Variants in RBPMS observed in about 807,000 individuals in gnomAD.
The protein encoded by RBPMS is RNA binding protein, mRNA processing factor, also known as RNA-binding protein with multiple splicing.
RBPMS carries 7 observed loss-of-function variants against 26.8 expected under a neutral mutation model. That is an observed-to-expected ratio of 0.26 (90% CI 0.15 to 0.49). The LOEUF is 0.49. Ranked by LOEUF, RBPMS falls within the 20% of genes least tolerant of loss-of-function variation. The probability of loss-of-function intolerance (pLI) is 0.98; values close to 1 mark genes in which losing one functional copy is unlikely to be tolerated. For synonymous variants in RBPMS, 96 were observed against 93.3 expected, an observed-to-expected ratio of 1.03 and a Z score of -0.17; for missense variants, 186 against 250.0, an observed-to-expected ratio of 0.74 and a Z score of 1.73.
chr8:30,496,403 C>T (rs949718491), intron 4 of RBPMS, among the ~76,000 whole-genome samples: 25 of 152,110 alleles, frequency 1.6e-4, no homozygotes, highest in African/African-American at 5.6e-4. Context: ...CTCCCAACCT[C>T]GTGATCTGCC....
intron 1 of RBPMS, among the ~76,000 whole-genome samples, chr8:30,421,272 T>C (rs1228265959): frequency 6.6e-6 from 1 of 152,118 alleles, no homozygotes; most frequent in Non-Finnish European, 1.5e-5. Context: ...GAAACATGTT[T>C]AATCACATAC....
intron 4 of RBPMS, 47 bp downstream of exon 4, chr8:30,479,424 G>A: frequency 2.3e-6 from 3 of 1,307,712 alleles, no homozygotes; most frequent in East Asian, 4.6e-5. Flanking sequence ...ATGAGGTGGT[G>A]GGAAGTAATG....
At chr8:30,393,312 GC>G (rs1337303682) in intron 1 of RBPMS, among the ~76,000 whole-genome samples, 2 of 151,740 alleles carry the variant, frequency 1.3e-5, no homozygotes, top group African/African-American at 4.8e-5. Flanking sequence ...TAATTCCCAG[GC>G]TTTTACTTCT....
chr8:30,549,626 G>GT lies in RBPMS; in HGVS notation c.528+5002_528+5003insT, dbSNP rs758922158. On this transcript the variant is annotated intron_variant, in intron 6 of 8. Transcript: ENST00000397323. ...AGCACCTGGCTTAGCTCTCACAGGAGGAGGGGCGGACGGGGAGGCCAGGCC... is the reference window on the plus strand; with the variant it reads ...AGCACCTGGCTTAGCTCTCACAGGAGTGAGGGGCGGACGGGGAGGCCAGGCC... 8.0e-6 allele frequency: 12 copies of GT among 1,507,314 alleles called. No individual in the cohort carries two copies. In the South Asian group the frequency reaches 1.3e-4, roughly 17 times the overall value. 93.4% of individuals were successfully genotyped at this position (1,507,314 alleles called of 1,614,324 possible). A position where few individuals can be genotyped will look rare whatever the true frequency, so the allele number is the denominator to read the frequency against.
At chr8:30,557,741 G>A (rs1243274240) in intron 6 of RBPMS, among the ~76,000 whole-genome samples, 2 of 152,244 alleles carry the variant, frequency 1.3e-5, no homozygotes, top group African/African-American at 4.8e-5. Flanking sequence ...GTCATGGGGA[G>A]ACCATGCCGC....
chr8:30,537,904 T>C (rs985715468), intron 5 of RBPMS, among the ~76,000 whole-genome samples: 1 of 152,354 alleles, frequency 6.6e-6, no homozygotes, highest in Non-Finnish European at 1.5e-5. Context: ...GCTTCTAGCC[T>C]GAGTAAAAGG....
intron 1 of RBPMS, among the ~76,000 whole-genome samples, chr8:30,392,914 A>G (rs1033887826): frequency 6.6e-6 from 1 of 152,214 alleles, no homozygotes. Flanking sequence ...TTTCAGAACA[A>G]TTCAAGAACA....
intron 4 of RBPMS, among the ~76,000 whole-genome samples, chr8:30,486,625 T>A (rs1238889935): frequency 7.4e-6 from 1 of 136,036 alleles, no homozygotes; most frequent in Middle Eastern, 4.0e-3. Flanking sequence ...GGAGTGAGAC[T>A]CTCTCTCAAA....
intron 1 of RBPMS, among the ~76,000 whole-genome samples, chr8:30,388,545 A>G (rs1223439191): frequency 2.9e-5 from 2 of 69,514 alleles, no homozygotes; most frequent in African/African-American, 1.2e-4. Context: ...AGCTATAGCT[A>G]TAAGCTAACT....
intron 4 of RBPMS, 30 bp downstream of exon 4, chr8:30,479,407 T>C (rs749434114): frequency 8.6e-6 from 13 of 1,504,810 alleles, no homozygotes; most frequent in Non-Finnish European, 1.0e-5. Context: ...TTGTAGGGGG[T>C]TTCCATATGA....
At chr8:30,547,790 T>A (rs1364799169) in intron 6 of RBPMS, among the ~76,000 whole-genome samples, 1 of 152,208 alleles carries the variant, frequency 6.6e-6, no homozygotes, top group Non-Finnish European at 1.5e-5. Context: ...GCAGGGATGC[T>A]GCGTCTAGCT....
chr8:30,409,425 T>C lies in RBPMS; in HGVS notation c.66+24267T>C, dbSNP rs1199436117. ...TCAGGTGGGCCTCGAACTCCCAGCC[T>C]CAGGTGATCTGCCTGCCTCGGCCTC... On this transcript the variant is annotated intron_variant, in intron 1 of 8. Transcript: ENST00000397323. Among the ~76,000 whole-genome samples, 4 of 152,128 alleles carry C rather than the reference T, an allele frequency of 2.6e-5. 1 individual carries two copies. The highest frequency in any genetic ancestry group is 2.6e-4 in the Admixed American group (4 of 15,270).
chr8:30,430,019 G>A (rs993108365), intron 1 of RBPMS, among the ~76,000 whole-genome samples: 48 of 152,202 alleles, frequency 3.2e-4, no homozygotes, highest in African/African-American at 1.1e-3. Context: ...GCTCATGCCT[G>A]TAATCACAGC....
chr8:30,513,587 C>CAAAAAAAAA (rs56184994), intron 5 of RBPMS, among the ~76,000 whole-genome samples: 9 of 108,508 alleles, frequency 8.3e-5, no homozygotes, highest in African/African-American at 3.1e-4. Flanking sequence ...GACTCCATCT[C>CAAAAAAAAA]AAAAAAAAAA....
chr8:30,479,580 T>G (rs117989908), intron 4 of RBPMS, among the ~76,000 whole-genome samples: 46 of 152,232 alleles, frequency 3.0e-4, no homozygotes, highest in Admixed American at 2.9e-3. Flanking sequence ...ACTCTGCTTT[T>G]TGATTGCTCT....
At chr8:30,413,159 G>C (rs187595177) in intron 1 of RBPMS, among the ~76,000 whole-genome samples, 2 of 152,018 alleles carry the variant, frequency 1.3e-5, no homozygotes, top group Non-Finnish European at 2.9e-5. Context: ...GCTCACTGCA[G>C]CCTCTGCCAC....
intron 4 of RBPMS, among the ~76,000 whole-genome samples, chr8:30,483,511 T>G (rs952350153): frequency 2.0e-5 from 3 of 152,162 alleles, no homozygotes; most frequent in Non-Finnish European, 4.4e-5. Flanking sequence ...TTCTTCCAGA[T>G]AGCTCTTGAG....
chr8:30,498,125 A>G (rs1820179583), intron 4 of RBPMS, among the ~76,000 whole-genome samples: 2 of 151,634 alleles, frequency 1.3e-5, no homozygotes, highest in African/African-American at 4.9e-5. Flanking sequence ...CATCTAGTTC[A>G]GTACATATGC....
intron 1 of RBPMS, among the ~76,000 whole-genome samples, chr8:30,431,963 C>T (rs1388420014): frequency 2.6e-5 from 4 of 151,006 alleles, no homozygotes; most frequent in Admixed American, 6.6e-5. Context: ...TTTACAAAAA[C>T]ATTAAAAAAA....
Sources: gnomAD v4.1 joint callset for allele counts (sites outside exome capture counted in the v4.1 genomes callset) on GRCh38, gnomAD v4.1.1 for gene constraint, MANE v1.5 for transcripts, NCBI Gene and HGNC (gene_info 2026-07-23, HGNC 2026-07-21) for gene names.